MORC1: variants seen among roughly 807,000 people sequenced by gnomAD.
The protein encoded by MORC1 is MORC family CW-type zinc finger 1, also known as MORC family CW-type zinc finger protein 1.
In MORC1, 59 loss-of-function variants were observed where a neutral mutation model predicts 134.9. The observed-to-expected ratio is 0.44, with a 90% CI of 0.35 to 0.54. MORC1 has a LOEUF of 0.54. MORC1 is among the 20% of genes least tolerant of loss of function. The probability of loss-of-function intolerance (pLI) is 0.00; values close to 1 mark genes in which losing one functional copy is unlikely to be tolerated. For synonymous variants in MORC1, 395 were observed against 391.7 expected (o/e 1.01, Z -0.10); for missense variants, 947 against 1,134.5 (o/e 0.83, Z 2.37).
chr3:109,106,031 A>G (rs746495729), intron 3 of MORC1, among the ~76,000 whole-genome samples: 1 of 152,166 alleles, frequency 6.6e-6, no homozygotes, highest in Non-Finnish European at 1.5e-5. Context: ...GGGGAATCCA[A>G]CCCTGTTGAG....
chr3:108,996,267 CGCGTGCGT>C lies in MORC1; in HGVS notation c.2187+4282_2187+4289del, dbSNP rs1291234641. On this transcript the variant is annotated intron_variant, in intron 21 of 27. Coordinates refer to ENST00000232603, the MANE Select transcript of MORC1 (RefSeq NM_014429.4). Reference sequence around the variant, plus strand: ...CAATACACATGCCTGTGCACATGTGCGCGTGCGTGCGCGCGCGCGCACACACACACACA... The same window carrying C: ...CAATACACATGCCTGTGCACATGTGCGCGCGCGCGCGCACACACACACACA... 1.4e-3 allele frequency among the ~76,000 whole-genome samples: 172 copies of C among 126,574 alleles called. 1 individual carries two copies. The highest frequency in any genetic ancestry group is 1.3e-3 in the Non-Finnish European group (72 of 56,908). The allele number at this position is 126,574 out of a possible 152,430, so 83.0% of individuals were successfully genotyped here. A position where few individuals can be genotyped will look rare whatever the true frequency, so the allele number is the denominator to read the frequency against.
chr3:108,980,512 C>G (rs1947688416), intron 23 of MORC1, among the ~76,000 whole-genome samples: 1 of 152,254 alleles, frequency 6.6e-6, no homozygotes, highest in South Asian at 2.1e-4. Flanking sequence ...TTAAAAGTGT[C>G]CACTTTCTGC....
chr3:109,055,908 G>T (rs888635550), intron 13 of MORC1, among the ~76,000 whole-genome samples: 7 of 152,262 alleles, frequency 4.6e-5, no homozygotes, highest in African/African-American at 1.7e-4. Flanking sequence ...GAAGGAAATG[G>T]ACCAGTTTTA....
intron 21 of MORC1, 86 bp from the exon 22 acceptor site, chr3:108,987,035 C>A: frequency 2.0e-6 from 2 of 975,846 alleles, no homozygotes; most frequent in South Asian, 2.3e-5. Flanking sequence ...AGCAGTGTCC[C>A]CAGCAGAAAA....
At chr3:109,030,375 A>G (rs1949212879) in intron 16 of MORC1, among the ~76,000 whole-genome samples, 1 of 152,212 alleles carries the variant, frequency 6.6e-6, no homozygotes, top group Non-Finnish European at 1.5e-5. Context: ...CAAAGAACTG[A>G]GCAAGGTCAT....
In MORC1 at chr3:109,063,162, T is replaced by A; in HGVS notation, c.885A>T (p.Ala295=). The change falls in exon 10 of 28, where the codon GCA becomes GCT. Residue 295 remains alanine, a synonymous_variant. Coordinates refer to ENST00000232603, the MANE Select transcript of MORC1 (RefSeq NM_014429.4). ...CAGGTAATCGCATACCAATCTTTAC[T>A]GCTTCTTCTGCCTTTTTAACTTCAT... The part of the protein sequence containing the change: ...FKDEVKKAEE[A]VKIAESILKE... 1 of 1,596,354 alleles carries A rather than the reference T, an allele frequency of 6.3e-7. No homozygotes were observed. Among genetic ancestry groups the A allele is most frequent in the Non-Finnish European group, 8.6e-7 (1 of 1,165,380 alleles).
chr3:109,040,615 G>C (rs1166726246), intron 14 of MORC1, among the ~76,000 whole-genome samples: 5 of 151,442 alleles, frequency 3.3e-5, no homozygotes, highest in African/African-American at 9.7e-5. Flanking sequence ...GGATTACCTG[G>C]GGTCAGGAGT....
intron 14 of MORC1, among the ~76,000 whole-genome samples, chr3:109,038,637 C>G (rs13059498): frequency 0.42 from 64,278 of 151,990 alleles, 14,309 homozygotes; most frequent in Middle Eastern, 0.55. Flanking sequence ...AAGGGATCCA[C>G]TTTCGGCTTT....
intron 17 of MORC1, among the ~76,000 whole-genome samples, chr3:109,015,250 G>A (rs1418477052): frequency 6.6e-6 from 1 of 152,112 alleles, no homozygotes; most frequent in Non-Finnish European, 1.5e-5. Context: ...CAGTAACAGG[G>A]TGAAGGCAAA....
chr3:109,067,439 TC>T (rs1218155601), intron 9 of MORC1, among the ~76,000 whole-genome samples: 1 of 152,048 alleles, frequency 6.6e-6, no homozygotes, highest in African/African-American at 2.4e-5. Context: ...TGGGTGGGAG[TC>T]CCTTCCATTG....
chr3:109,086,195 A>C (rs1950612990), intron 8 of MORC1, among the ~76,000 whole-genome samples: 1 of 152,066 alleles, frequency 6.6e-6, no homozygotes, highest in Non-Finnish European at 1.5e-5. Context: ...ACTATAGTTA[A>C]CAATCATCTG....
chr3:109,108,604 A>G (rs1415792488), intron 3 of MORC1, among the ~76,000 whole-genome samples: 4 of 152,188 alleles, frequency 2.6e-5, no homozygotes, highest in Non-Finnish European at 5.9e-5. Flanking sequence ...TCTTTAAAAA[A>G]GAAAAGAGCT....
At chr3:109,021,200 T>A (rs1400071259) in intron 17 of MORC1, among the ~76,000 whole-genome samples, 1 of 152,184 alleles carries the variant, frequency 6.6e-6, no homozygotes, top group Non-Finnish European at 1.5e-5. Flanking sequence ...CCAGACAGCC[T>A]CTGATAGTCC....
chr3:109,028,227 T>C (rs1949135277), intron 16 of MORC1, among the ~76,000 whole-genome samples: 1 of 142,494 alleles, frequency 7.0e-6, no homozygotes, highest in African/African-American at 2.6e-5. Context: ...ATCTCATCAC[T>C]GCCATTTCCC....
chr3:108,996,951 A>C (rs1487655740), intron 21 of MORC1, among the ~76,000 whole-genome samples: 1 of 139,530 alleles, frequency 7.2e-6, no homozygotes, highest in Non-Finnish European at 1.5e-5. Context: ...CAGAGCTTGC[A>C]GTGAGCCAAG....
chr3:109,084,350 T>C (rs897172162), intron 8 of MORC1, among the ~76,000 whole-genome samples: 2 of 152,172 alleles, frequency 1.3e-5, no homozygotes, highest in Admixed American at 1.3e-4. Flanking sequence ...AGCATTTCTA[T>C]ATGCCACCAG....
At chr3:108,985,035 T>C (rs2048169514) in intron 22 of MORC1, among the ~76,000 whole-genome samples, 1 of 152,196 alleles carries the variant, frequency 6.6e-6, no homozygotes, top group Admixed American at 6.5e-5. Flanking sequence ...AATTTTTAAA[T>C]GGACATTTTT....
chr3:109,029,638 CT>C (rs2107602431), intron 16 of MORC1, among the ~76,000 whole-genome samples: 1 of 152,268 alleles, frequency 6.6e-6, no homozygotes, highest in South Asian at 2.1e-4. Flanking sequence ...TTCTCAGATA[CT>C]GTGTCAAAAA....
chr3:109,082,139 T>G (rs1419282995), intron 8 of MORC1, among the ~76,000 whole-genome samples: 9 of 151,996 alleles, frequency 5.9e-5, no homozygotes, highest in Non-Finnish European at 1.2e-4. Context: ...CCCTTAGGAC[T>G]TTCCCTATTT....
Sources: allele counts gnomAD v4.1 joint callset (sites outside exome capture counted in the v4.1 genomes callset), GRCh38; gene constraint gnomAD v4.1.1; transcripts MANE v1.5; gene names NCBI Gene and HGNC (gene_info 2026-07-23, HGNC 2026-07-21).